COG1: variants seen among roughly 807,000 people sequenced by gnomAD.
COG1 encodes component of oligomeric golgi complex 1.
In COG1, 61 loss-of-function variants were observed where a neutral mutation model predicts 102.2. That is an observed-to-expected ratio of 0.60 (90% CI 0.49 to 0.74). COG1 has a LOEUF of 0.74. Ranked by LOEUF, COG1 falls within the 30% of genes least tolerant of loss-of-function variation. The pLI is 0.00. For missense variants in COG1, 1,164 were observed against 1,232.1 expected, an observed-to-expected ratio of 0.94 and a Z score of 0.83; for synonymous variants, 454 against 493.6, an observed-to-expected ratio of 0.92 and a Z score of 1.06.
rs148247619 is a variant in COG1, at chr17:73,205,583, C to G, written c.2413C>G (p.Arg805Gly). ...AGGTGCATTTCCAGTCACCCAGAAC[C>G]GGGCGCTGCAGCTGCTTTATGATCT... Reference protein sequence around the residue: ...KEGAFPVTQNRALQLLYDLRY... With the variant: ...KEGAFPVTQNGALQLLYDLRY... The change falls in exon 10 of 14, where the codon CGG becomes GGG. Residue 805 changes from arginine to glycine, a missense_variant. Coordinates refer to ENST00000299886, the MANE Select transcript of COG1 (RefSeq NM_018714.3). 145 of 1,614,048 alleles carry G rather than the reference C, an allele frequency of 9.0e-5. No homozygotes were observed. The highest frequency in any genetic ancestry group is 1.2e-4 in the Non-Finnish European group (139 of 1,180,048).
At position 73,203,482 on chromosome 17, in the gene COG1, G is replaced by GTGTC. The variant is rs1440625189; in HGVS notation, c.2221-147_2221-144dup. ...CAAATTGCACTTAACCAGGGGCCTT[G>GTGTC]TGTCTGCTGAACAGTCTGCCTGTAA... On this transcript the variant is annotated intron_variant, in intron 8 of 13. Transcript: ENST00000299886. 10 of 946,876 alleles carry GTGTC rather than the reference G, an allele frequency of 1.1e-5. No individual in the cohort carries two copies. The African/African-American group carries it at 1.6e-4, about 15-fold the overall frequency. The allele number at this position is 946,876 out of a possible 1,614,324, so 58.7% of individuals were successfully genotyped here.
intron 6 of COG1, 38 bp downstream of exon 6, chr17:73,200,814 C>A: frequency 6.5e-7 from 1 of 1,543,760 alleles, no homozygotes; most frequent in Non-Finnish European, 9.0e-7. Flanking sequence ...TGTTTTATGG[C>A]CAATCCTAGT....
intron 9 of COG1, among the ~76,000 whole-genome samples, chr17:73,204,833 G>A (rs1475516136): frequency 6.6e-6 from 1 of 152,122 alleles, no homozygotes; most frequent in African/African-American, 2.4e-5. Context: ...CTGGGACTAT[G>A]GGCAGGAGCC....
rs1327746845 is a variant in COG1 at position 73,193,075 on chromosome 17, C to T, written c.6C>T (p.Ala2=). 1.3e-6 allele frequency: 2 copies of T among 1,577,580 alleles called. No individual in the cohort carries two copies. Among genetic ancestry groups the T allele is most frequent in the Non-Finnish European group, 1.7e-6 (2 of 1,156,888 alleles). Residue 2 remains alanine, a synonymous_variant, in exon 1 of 14, where the codon GCC becomes GCT. Coordinates refer to ENST00000299886, the MANE Select transcript of COG1 (RefSeq NM_018714.3). The stretch of plus-strand genomic sequence containing the variant: ...CGGGGGCTGACGAGTGCACCATGGC[C>T]ACCGCGGCAACCTCACCCGCGCTGA... The part of the protein sequence containing the change: M[A]TAATSPALKR...
At chr17:73,207,294 T>C in intron 13 of COG1, 38 bp downstream of exon 13, 1 of 1,581,684 alleles carries the variant, frequency 6.3e-7, no homozygotes, top group African/African-American at 1.4e-5. Context: ...CGTGGATGGG[T>C]CCCCACCTCC....
chr17:73,200,461 TG>T, intron 5 of COG1, 104 bp from the exon 6 acceptor site: 1 of 1,020,200 alleles, frequency 9.8e-7, no homozygotes, highest in Non-Finnish European at 1.6e-6. Flanking sequence ...ATTTATCTAC[TG>T]GAACTCAGAT....
Position 73,205,163 on chromosome 17 carries a change from A to AAAAC in COG1, c.2383-366_2383-363dup, listed in dbSNP as rs147604318. The AAAAC allele has an allele frequency of 6.8e-3, 1,915 of 283,052 alleles. 40 individuals are homozygous for AAAAC. Among genetic ancestry groups the AAAAC allele is most frequent in the African/African-American group, 0.038 (1,673 of 44,472 alleles). 17.5% of individuals were successfully genotyped at this position (283,052 alleles called of 1,614,324 possible). A position where few individuals can be genotyped will look rare whatever the true frequency, so the allele number is the denominator to read the frequency against. ...GGGCAACAAGGCGAGACTCTATCTCAAAACAAACAAACAAACAAACAAACA... is the reference window on the plus strand; with the variant it reads ...GGGCAACAAGGCGAGACTCTATCTCAAAACAAACAAACAAACAAACAAACAAACA... On this transcript the variant is annotated intron_variant, in intron 9 of 13. Coordinates refer to ENST00000299886, the MANE Select transcript of COG1 (RefSeq NM_018714.3).
intron 8 of COG1, chr17:73,203,379 C>G (rs2061354846): frequency 2.8e-6 from 2 of 708,498 alleles, no homozygotes; most frequent in South Asian, 3.7e-5. Flanking sequence ...TAGGGAACCA[C>G]TTACTTGCCG....
chr17:73,201,935 C>CA (rs779837071), intron 7 of COG1, 35 bp downstream of exon 7: 33 of 1,592,322 alleles, frequency 2.1e-5, no homozygotes, highest in Middle Eastern at 3.3e-4. Flanking sequence ...TGTCTTGTCT[C>CA]ACTTCTGTCA....
Position 73,193,354 on chromosome 17 carries a change from G to C in COG1, c.285G>C (p.Ser95=). 1 of 1,502,034 alleles carries C rather than the reference G, an allele frequency of 6.7e-7. No individual in the cohort carries two copies. The allele number at this position is 1,502,034 out of a possible 1,614,324, so 93.0% of individuals were successfully genotyped here. The change falls in exon 1 of 14, where the codon TCG becomes TCC. Residue 95 remains serine (S), a synonymous_variant. Coordinates refer to ENST00000299886, the MANE Select transcript of COG1 (RefSeq NM_018714.3). ...GCGCCCGCCTCCGCCAGGCCGGCTCGGCCGCGCCCCGGCCACCGCGGGCCC... is the reference window on the plus strand; with the variant it reads ...GCGCCCGCCTCCGCCAGGCCGGCTCCGCCGCGCCCCGGCCACCGCGGGCCC... ...QYCARLRQAG[S]AAPRPPRAQQ... is the part of the protein sequence containing the mutation.
At chr17:73,202,831 A>G in intron 7 of COG1, 169 bp from the exon 8 acceptor site, 2 of 748,978 alleles carry the variant, frequency 2.7e-6, no homozygotes, top group South Asian at 3.0e-5. Context: ...AGTTAGCAAC[A>G]AAATTCCCAT....
At position 73,193,142 on chromosome 17, in the gene COG1, C is replaced by T. The variant is rs2061308981; in HGVS notation, c.73C>T (p.His25Tyr). Residue 25 changes from histidine (H) to tyrosine (Y), a missense_variant, in exon 1 of 14, where the codon CAT (histidine) becomes TAT (tyrosine). Coordinates refer to ENST00000299886, the MANE Select transcript of COG1 (RefSeq NM_018714.3). ...LRDPAALFET[H>Y]GAEEIRGLER... ...CGACCCTGCGGCTCTTTTCGAGACG[C>T]ATGGAGCGGAGGAGATCCGCGGGCT... is the stretch of plus-strand genomic sequence containing the variant. 1 of 1,610,188 alleles carries T rather than the reference C, an allele frequency of 6.2e-7. No individual in the cohort carries two copies. The highest frequency in any genetic ancestry group is 1.3e-5 in the African/African-American group (1 of 74,878).
At chr17:73,207,372 A>G in intron 13 of COG1, 116 bp downstream of exon 13, 1 of 979,574 alleles carries the variant, frequency 1.0e-6, no homozygotes, top group Non-Finnish European at 1.6e-6. Context: ...AAATGCACTA[A>G]TGCTGCTTTT....
In COG1 at chr17:73,205,899, G is replaced by A. The variant is rs902668328; in HGVS notation, c.2510+219G>A. On this transcript the variant is annotated intron_variant, in intron 10 of 13. Coordinates refer to ENST00000299886, the MANE Select transcript of COG1 (RefSeq NM_018714.3). The stretch of plus-strand genomic sequence containing the variant: ...GTGGACTCTTATTCCCCTCTCTTCT[G>A]AGTCAGCCTAGCAGCTGCTGAGTAT... 6 of 703,666 alleles carry A rather than the reference G, an allele frequency of 8.5e-6. No homozygotes were observed. The Admixed American group carries it at 1.3e-4, about 15-fold the overall frequency. 43.6% of individuals were successfully genotyped at this position (703,666 alleles called of 1,614,324 possible). A position where few individuals can be genotyped will look rare whatever the true frequency, so the allele number is the denominator to read the frequency against.
At position 73,196,880 on chromosome 17, in the gene COG1, TTC is replaced by T. The variant is rs1231865550; in HGVS notation, c.561-18_561-17del. On this transcript the variant is annotated intron_variant, in intron 2 of 13. Coordinates refer to ENST00000299886, the MANE Select transcript of COG1 (RefSeq NM_018714.3). The stretch of plus-strand genomic sequence containing the variant: ...AAGATGTGAAAAACACCCTGGCGAC[TTC>T]TGTCATCATTTTTCTAGGTCAACTA... The T allele has an allele frequency of 3.7e-6, 6 of 1,614,236 alleles. No homozygotes were observed. The highest frequency in any genetic ancestry group is 5.1e-6 in the Non-Finnish European group (6 of 1,180,044).
At chr17:73,207,392 G>A (rs946634262) in intron 13 of COG1, 136 bp downstream of exon 13, 26 of 863,178 alleles carry the variant, frequency 3.0e-5, no homozygotes, top group South Asian at 2.3e-4. Flanking sequence ...TAATGGCGGC[G>A]CAATAGAGAA....
At chr17:73,206,324 T>C in intron 11 of COG1, 62 bp downstream of exon 11, 1 of 1,302,506 alleles carries the variant, frequency 7.7e-7, no homozygotes, top group South Asian at 1.2e-5. Flanking sequence ...ATAACAAAAT[T>C]AACCTGCTCA....
Position 73,201,225 on chromosome 17 carries a change from C to CT in COG1, c.1401dup (p.Glu468Ter), listed in dbSNP as rs1167198787. 1 of 1,614,166 alleles carries CT rather than the reference C, an allele frequency of 6.2e-7. No homozygotes were observed. Among genetic ancestry groups the CT allele is most frequent in the Admixed American group, 1.7e-5 (1 of 60,010 alleles). On this transcript the variant is annotated frameshift_variant, in exon 7 of 14. Transcript: ENST00000299886. LOFTEE classifies it high-confidence loss of function. Reference sequence around the variant, plus strand: ...ACTCCCCTTCAAATAAGCACATCCACTTTGAGTACAACATGTCGCTCTTCC... The same window carrying CT: ...ACTCCCCTTCAAATAAGCACATCCACTTTTGAGTACAACATGTCGCTCTTCC...
intron 10 of COG1, 196 bp downstream of exon 10, chr17:73,205,876 GGA>G (rs1400123785): frequency 1.3e-6 from 1 of 752,168 alleles, no homozygotes; most frequent in African/African-American, 1.7e-5. Context: ...TGAAATAGGT[GGA>G]CTCTTATTCC....
Sources: gnomAD v4.1 joint callset for allele counts (sites outside exome capture counted in the v4.1 genomes callset) on GRCh38, gnomAD v4.1.1 for gene constraint, MANE v1.5 for transcripts, NCBI Gene and HGNC (gene_info 2026-07-23, HGNC 2026-07-21) for gene names.